The following VKORC1L1 variants were observed in gnomAD, a reference collection of about 807,000 sequenced individuals.
VKORC1L1 encodes the protein vitamin K epoxide reductase complex subunit 1L1.
A neutral mutation model predicts 18.9 loss-of-function variants in VKORC1L1; 2 were observed. That is an observed-to-expected ratio of 0.11 (90% CI 0.04 to 0.33). The LOEUF (loss-of-function observed/expected upper bound fraction) is 0.33. Ranked by LOEUF, VKORC1L1 falls within the 10% of genes least tolerant of loss-of-function variation. The pLI, the probability that VKORC1L1 is intolerant of heterozygous loss-of-function variation, is 1.00. For missense variants in VKORC1L1, 123 were observed against 224.1 expected (o/e 0.55, Z 2.88); for synonymous variants, 96 against 100.0 (o/e 0.96, Z 0.24).
rs1790333530 is a variant in VKORC1L1, at chr7:65,958,175, A to G, written c.*3875A>G. On this transcript the variant is annotated 3_prime_UTR_variant, in exon 3 of 3. Coordinates refer to ENST00000360768, the MANE Select transcript of VKORC1L1 (RefSeq NM_173517.6). ...TGTGAGAACTACCCTTCCATCAAAC[A>G]AAAAGGGCAAGGGTGGGAGCCCCGG... 1.3e-5 allele frequency: 2 copies of G among 152,252 alleles called. No individual in the cohort carries two copies. The highest frequency in any genetic ancestry group is 4.8e-5 in the African/African-American group (2 of 41,478). The allele number at this position is 152,252 out of a possible 1,614,324, so 9.4% of individuals were successfully genotyped here.
chr7:65,928,722 G>A (rs561445900), intron 1 of VKORC1L1, among the ~76,000 whole-genome samples: 1 of 152,286 alleles, frequency 6.6e-6, no homozygotes, highest in African/African-American at 2.4e-5. Flanking sequence ...TTTTGGGTGA[G>A]CATAAATTTT....
chr7:65,936,356 T>G (rs1789942388), intron 1 of VKORC1L1, among the ~76,000 whole-genome samples: 1 of 152,220 alleles, frequency 6.6e-6, no homozygotes, highest in African/African-American at 2.4e-5. Context: ...TCATATAATC[T>G]TGGAGTGCAT....
At chr7:65,896,723 G>A (rs1789220148) in intron 1 of VKORC1L1, among the ~76,000 whole-genome samples, 1 of 152,132 alleles carries the variant, frequency 6.6e-6, no homozygotes, top group Non-Finnish European at 1.5e-5. Context: ...ACACGCTGCT[G>A]GGCCTGGTGG....
intron 1 of VKORC1L1, among the ~76,000 whole-genome samples, chr7:65,923,670 C>A (rs1789714805): frequency 6.6e-6 from 1 of 152,176 alleles, no homozygotes. Context: ...CCTTCCTGGC[C>A]TTGACAAATT....
chr7:65,954,397 A>G lies in VKORC1L1; in HGVS notation c.*97A>G. On this transcript the variant is annotated 3_prime_UTR_variant, in exon 3 of 3. Coordinates refer to ENST00000360768, the MANE Select transcript of VKORC1L1 (RefSeq NM_173517.6). Reference sequence around the variant, plus strand: ...ATTATTATTATTATTATTATTCACAACAGACACTTTCCCTAAGAATCTCAA... The same window carrying G: ...ATTATTATTATTATTATTATTCACAGCAGACACTTTCCCTAAGAATCTCAA... The G allele has an allele frequency of 7.0e-7, 1 of 1,433,916 alleles. No individual in the cohort carries two copies. Among genetic ancestry groups the G allele is most frequent in the South Asian group, 1.5e-5 (1 of 66,650 alleles). The allele number at this position is 1,433,916 out of a possible 1,614,324, so 88.8% of individuals were successfully genotyped here.
rs1405893539 is a variant in VKORC1L1, at chr7:65,948,736, A to G, written c.260A>G (p.Asn87Ser). 7.5e-7 allele frequency: 1 copy of G among 1,331,882 alleles called. No homozygotes were observed. Among genetic ancestry groups the G allele is most frequent in the East Asian group, 2.5e-5 (1 of 40,084 alleles). 82.5% of individuals were successfully genotyped at this position (1,331,882 alleles called of 1,614,324 possible). Residue 87 changes from asparagine (N) to serine (S), a missense_variant, in exon 2 of 3, where the codon AAC (asparagine) becomes AGC (serine). Physicochemically the swap from Asn to Ser is conservative, Grantham distance 46. Around this residue, in one of 4 missense-constraint regions of VKORC1L1, gnomAD observed 18 missense variants for 66.7 expected, o/e 0.27. Coordinates refer to ENST00000360768, the MANE Select transcript of VKORC1L1 (RefSeq NM_173517.6). ...AAGGATGGTGTATTAAACCAGCCAA[A>G]CAGTGTCTTTGGACTTATATTTTAT... ...FGKDGVLNQPNSVFGLIFYIL... is the reference protein window; with the variant it reads ...FGKDGVLNQPSSVFGLIFYIL...
chr7:65,886,839 G>GTTTT lies in VKORC1L1; in HGVS notation c.194+13297_194+13300dup, dbSNP rs56234924. ...GGCGTGAGCCACTGCGCCTGTCCGA[G>GTTTT]TTTTTTTTTTTTTTTTTTTTTTTTT... On this transcript the variant is annotated intron_variant, in intron 1 of 2. Transcript: ENST00000360768. Among the ~76,000 whole-genome samples, 359 of 58,626 alleles carry GTTTT rather than the reference G, an allele frequency of 6.1e-3. 65 individuals carry two copies. The highest frequency in any genetic ancestry group is 0.036 in the East Asian group (53 of 1,456). The allele number at this position is 58,626 out of a possible 152,430, so 38.5% of individuals were successfully genotyped here.
intron 1 of VKORC1L1, among the ~76,000 whole-genome samples, chr7:65,941,005 C>A (rs1293451325): frequency 6.6e-6 from 1 of 152,120 alleles, no homozygotes; most frequent in Admixed American, 6.6e-5. Context: ...ACTTGTCAAT[C>A]CTTAGAGAAA....
At chr7:65,903,169 AT>A (rs147374619) in intron 1 of VKORC1L1, among the ~76,000 whole-genome samples, 16,380 of 118,226 alleles carry the variant, frequency 0.14, 1,010 homozygotes, top group Middle Eastern at 0.26. Flanking sequence ...CTTGGCCTTC[AT>A]TTTTTTTTTT....
At chr7:65,866,613 GA>G in the VKORC1L1 span, among the ~76,000 whole-genome samples, 1 of 152,268 alleles carries the variant, frequency 6.6e-6, no homozygotes, top group East Asian at 1.9e-4. Flanking sequence ...GTTAACTAAA[GA>G]AGATGAAAAA....
intron 1 of VKORC1L1, among the ~76,000 whole-genome samples, chr7:65,911,315 G>A (rs1230069786): frequency 6.6e-6 from 1 of 152,160 alleles, no homozygotes; most frequent in Non-Finnish European, 1.5e-5. Flanking sequence ...GGCTTAAAAT[G>A]AAAATGTTTG....
At chr7:65,919,043 G>A (rs112209354) in intron 1 of VKORC1L1, among the ~76,000 whole-genome samples, 9 of 152,234 alleles carry the variant, frequency 5.9e-5, no homozygotes, top group African/African-American at 1.7e-4. Context: ...TGCAGTGATC[G>A]CGCCACTGCA....
intron 1 of VKORC1L1, among the ~76,000 whole-genome samples, chr7:65,939,344 G>A (rs1021198598): frequency 9.2e-5 from 14 of 152,164 alleles, no homozygotes; most frequent in African/African-American, 2.9e-4. Flanking sequence ...GGTGGTGGTC[G>A]TGGAGGTGAT....
intron 1 of VKORC1L1, among the ~76,000 whole-genome samples, chr7:65,887,074 C>T (rs1789027866): frequency 1.3e-5 from 2 of 151,766 alleles, no homozygotes; most frequent in Non-Finnish European, 1.5e-5. Context: ...TGGTCTCAAT[C>T]TCCTGACCTC....
intron 1 of VKORC1L1, among the ~76,000 whole-genome samples, chr7:65,893,804 T>A (rs1401946408): frequency 2.6e-5 from 4 of 152,240 alleles, no homozygotes; most frequent in Non-Finnish European, 5.9e-5. Context: ...TCTAGTTTTA[T>A]GTCTTGATAT....
chr7:65,880,866 C>G (rs1015537534), intron 1 of VKORC1L1, among the ~76,000 whole-genome samples: 2 of 152,154 alleles, frequency 1.3e-5, no homozygotes, highest in Non-Finnish European at 2.9e-5. Flanking sequence ...ACTGATAAGA[C>G]ATAGCACTGA....
chr7:65,874,679 G>A (rs535441231), intron 1 of VKORC1L1, among the ~76,000 whole-genome samples: 22 of 152,084 alleles, frequency 1.4e-4, no homozygotes, highest in Non-Finnish European at 3.1e-4. Flanking sequence ...GGTGGCATGT[G>A]CCTATAGTCC....
chr7:65,898,177 C>T (rs1182098985), intron 1 of VKORC1L1, among the ~76,000 whole-genome samples: 1 of 148,280 alleles, frequency 6.7e-6, no homozygotes, highest in Non-Finnish European at 1.5e-5. Context: ...CAACCTCTGC[C>T]TCCTGGGTTC....
At chr7:65,945,394 G>A (rs1260737678) in intron 1 of VKORC1L1, among the ~76,000 whole-genome samples, 2 of 152,056 alleles carry the variant, frequency 1.3e-5, no homozygotes, top group Non-Finnish European at 2.9e-5. Flanking sequence ...GGCAGATCAC[G>A]AGGTCAGCAG....
Sources: allele counts gnomAD v4.1 joint callset (sites outside exome capture counted in the v4.1 genomes callset), GRCh38; gene constraint gnomAD v4.1.1; regional missense constraint gnomAD v4.1.1; transcripts MANE v1.5; gene names NCBI Gene and HGNC (gene_info 2026-07-23, HGNC 2026-07-21).